Variants in ARHGAP32 observed in about 807,000 individuals in gnomAD.
ARHGAP32 encodes Rho GTPase activating protein 32, also known as rho GTPase-activating protein 32.
Under a neutral mutation model 186.5 loss-of-function variants are expected in ARHGAP32, and 51 were observed. The observed-to-expected ratio is 0.27, with a 90% confidence interval of 0.22 to 0.35. The LOEUF is 0.35. Ranked by LOEUF, ARHGAP32 falls within the 10% of genes least tolerant of loss-of-function variation. The pLI, the probability that ARHGAP32 is intolerant of heterozygous loss-of-function variation, is 1.00. For synonymous variants in ARHGAP32, 950 were observed against 964.3 expected (o/e 0.99, Z 0.27); for missense variants, 2,186 against 2,623.5 (o/e 0.83, Z 3.64).
intron 5 of ARHGAP32, among the ~76,000 whole-genome samples, chr11:129,099,628 A>G (rs552553811): frequency 1.3e-5 from 2 of 152,334 alleles, no homozygotes; most frequent in African/African-American, 4.8e-5. Flanking sequence ...TGAAACCAAA[A>G]GAGAGTGGAG....
In ARHGAP32 at chr11:129,158,223, C is replaced by T. The variant is rs1474932461; in HGVS notation, c.225+6096G>A. Reference sequence around the variant, plus strand: ...ATGACAGGATCAATTTCGCACATAACAATATTAACCTTAAATGTAAATGGG... The same window carrying T: ...ATGACAGGATCAATTTCGCACATAATAATATTAACCTTAAATGTAAATGGG... On this transcript the variant is annotated intron_variant, in intron 2 of 22. Coordinates refer to ENST00000682385, the MANE Select transcript of ARHGAP32 (RefSeq NM_001378024.1). Among the ~76,000 whole-genome samples the T allele has an allele frequency of 2.0e-5, 3 of 152,122 alleles. No homozygotes were observed. The East Asian group carries it at 5.8e-4, about 29-fold the overall frequency.
At chr11:129,274,948 G>T (rs1182806589) in intron 1 of ARHGAP32, among the ~76,000 whole-genome samples, 1 of 149,024 alleles carries the variant, frequency 6.7e-6, no homozygotes, top group Non-Finnish European at 1.5e-5. Flanking sequence ...AATAGAAGTG[G>T]TATTTAAATC....
At chr11:129,166,303 G>A (rs1943640259) in intron 1 of ARHGAP32, among the ~76,000 whole-genome samples, 1 of 151,848 alleles carries the variant, frequency 6.6e-6, no homozygotes, top group Non-Finnish European at 1.5e-5. Flanking sequence ...CAGAGATAAG[G>A]GAGATAATTT....
At chr11:129,026,159 C>A (rs1938837555) in intron 11 of ARHGAP32, among the ~76,000 whole-genome samples, 1 of 151,956 alleles carries the variant, frequency 6.6e-6, no homozygotes, top group Admixed American at 6.6e-5. Flanking sequence ...TGTATTGTGA[C>A]CATGTTGTTT....
chr11:128,981,429 C>T lies in ARHGAP32; in HGVS notation c.1767G>A (p.Met589Ile), dbSNP rs773242072. 41 of 1,605,566 alleles carry T rather than the reference C, an allele frequency of 2.6e-5. No individual in the cohort carries two copies. Among genetic ancestry groups the T allele is most frequent in the African/African-American group, 1.9e-4 (14 of 74,766 alleles). ...VLFSGRISMA[M>I]QEGAASLSRP... is the part of the protein sequence containing the mutation. ...TCGGAGCCGTACCTGCCCCCTCTTG[C>T]ATGGCCATGCTGATTCTGCCGCTGA... The change falls in exon 17 of 23, where the codon ATG becomes ATA. Residue 589 changes from methionine (M) to isoleucine (I), a missense_variant. Around this residue, in one of 5 missense-constraint regions of ARHGAP32, gnomAD observed 263 missense variants for 323.5 expected, o/e 0.81. Transcript: ENST00000682385.
At chr11:129,071,319 T>C (rs1245487779) in intron 6 of ARHGAP32, among the ~76,000 whole-genome samples, 1 of 151,752 alleles carries the variant, frequency 6.6e-6, no homozygotes, top group Non-Finnish European at 1.5e-5. Context: ...TTATAAGGGG[T>C]TAATATCTGA....
intron 11 of ARHGAP32, among the ~76,000 whole-genome samples, chr11:129,026,605 C>A (rs1938858588): frequency 6.6e-6 from 1 of 151,852 alleles, no homozygotes; most frequent in South Asian, 2.1e-4. Context: ...ACCAGCCTGG[C>A]CAATATGGTG....
At chr11:129,156,571 C>A (rs1231588897) in intron 2 of ARHGAP32, among the ~76,000 whole-genome samples, 4 of 152,310 alleles carry the variant, frequency 2.6e-5, no homozygotes, top group Middle Eastern at 3.4e-3. Flanking sequence ...AAGGCAGCAG[C>A]CCCAGTCAGG....
chr11:129,157,524 T>C (rs1943434641), intron 2 of ARHGAP32, among the ~76,000 whole-genome samples: 1 of 151,412 alleles, frequency 6.6e-6, no homozygotes, highest in African/African-American at 2.4e-5. Context: ...AAGACAAGAT[T>C]AGAGAAAAAA....
At chr11:128,995,360 C>T (rs1946168935) in intron 12 of ARHGAP32, among the ~76,000 whole-genome samples, 1 of 152,236 alleles carries the variant, frequency 6.6e-6, no homozygotes, top group East Asian at 1.9e-4. Context: ...GTGTGTGCCA[C>T]CATGCCCAGC....
At chr11:129,073,538 C>T (rs544839247) in intron 6 of ARHGAP32, among the ~76,000 whole-genome samples, 23 of 151,618 alleles carry the variant, frequency 1.5e-4, no homozygotes, top group African/African-American at 5.1e-4. Flanking sequence ...AACTGAAATG[C>T]AAAGAGAGAA....
At chr11:128,985,757 G>T in intron 15 of ARHGAP32, 1 of 165,924 alleles carries the variant, frequency 6.0e-6, no homozygotes, top group Non-Finnish European at 1.3e-5. Context: ...GGGGATCTAA[G>T]GACAAATGAA....
intron 1 of ARHGAP32, among the ~76,000 whole-genome samples, chr11:129,234,597 T>C (rs1471341073): frequency 6.6e-6 from 1 of 152,124 alleles, no homozygotes; most frequent in African/African-American, 2.4e-5. Context: ...AAAATACATA[T>C]ACTGTTTTCT....
chr11:129,210,140 C>T (rs1017687389), intron 1 of ARHGAP32, among the ~76,000 whole-genome samples: 4 of 152,238 alleles, frequency 2.6e-5, no homozygotes, highest in Admixed American at 6.5e-5. Context: ...TCAATGGCTA[C>T]GACTGCTGAA....
rs1326041780 is a variant in ARHGAP32 at position 129,001,971 on chromosome 11, G to T, written c.1046-3503C>A. 1.3e-5 allele frequency among the ~76,000 whole-genome samples: 2 copies of T among 152,216 alleles called. 1 individual carries two copies. Among genetic ancestry groups the T allele is most frequent in the South Asian group, 4.2e-4 (2 of 4,810 alleles). ...TCTATTCTGTTCCGTTGGTCCATGT[G>T]TCTGTTTTTATGTCATGCTGTTTTG... On this transcript the variant is annotated intron_variant, in intron 11 of 22. Transcript: ENST00000682385.
At chr11:129,088,502 C>A (rs1565416415) in intron 6 of ARHGAP32, among the ~76,000 whole-genome samples, 1 of 152,062 alleles carries the variant, frequency 6.6e-6, no homozygotes, top group Non-Finnish European at 1.5e-5. Flanking sequence ...ATCACTTGAA[C>A]CTGTGAGTTG....
intron 10 of ARHGAP32, among the ~76,000 whole-genome samples, chr11:129,048,336 A>G (rs1307797160): frequency 6.6e-6 from 1 of 152,198 alleles, no homozygotes; most frequent in Non-Finnish European, 1.5e-5. Context: ...ATAAGAAGGC[A>G]GTCCAACACC....
At chr11:129,196,700 T>C (rs1257680496), upstream of ARHGAP32, among the ~76,000 whole-genome samples, 4 of 152,088 alleles carry the variant, frequency 2.6e-5, no homozygotes, top group Non-Finnish European at 5.9e-5. Context: ...ATATTACAGG[T>C]GAAGAAACTG....
chr11:129,046,013 G>A (rs920231944), intron 10 of ARHGAP32, among the ~76,000 whole-genome samples: 5 of 152,166 alleles, frequency 3.3e-5, no homozygotes, highest in African/African-American at 4.8e-5. Context: ...AAAGCCACCA[G>A]ACATGCTAAT....
Sources: gnomAD v4.1 joint callset for allele counts (sites outside exome capture counted in the v4.1 genomes callset) on GRCh38, gnomAD v4.1.1 for gene constraint, gnomAD v4.1.1 regional missense constraint, MANE v1.5 for transcripts, NCBI Gene and HGNC (gene_info 2026-07-23, HGNC 2026-07-21) for gene names.